Variants in CWF19L1 observed in about 807,000 individuals in gnomAD.
CWF19L1 encodes the protein CWF19 like cell cycle control factor 1, also known as CWF19-like protein 1.
Under a neutral mutation model 69.7 loss-of-function variants are expected in CWF19L1, and 60 were observed. The observed-to-expected ratio is 0.86, with a 90% CI of 0.70 to 1.07. CWF19L1 has a LOEUF of 1.07. Among genes scored for constraint, CWF19L1 ranks in the 50% least tolerant of loss-of-function variants. The pLI is 0.00. For synonymous variants in CWF19L1, 209 were observed against 222.2 expected (o/e 0.94, Z 0.53); for missense variants, 591 against 638.9 (o/e 0.92, Z 0.81).
At chr10:100,235,306 G>A (rs1229330054) in intron 13 of CWF19L1, among the ~76,000 whole-genome samples, 2 of 152,340 alleles carry the variant, frequency 1.3e-5, no homozygotes, top group Admixed American at 1.3e-4. Flanking sequence ...TCTTGGCACA[G>A]AGTATGTGCT....
chr10:100,266,346 T>C (rs1490418307), intron 1 of CWF19L1, among the ~76,000 whole-genome samples: 1 of 92,562 alleles, frequency 1.1e-5, no homozygotes, highest in African/African-American at 9.5e-5. Flanking sequence ...GCCCGGCTAA[T>C]TTTTTTTTTT....
chr10:100,255,370 C>T (rs939601602), intron 5 of CWF19L1, among the ~76,000 whole-genome samples: 3 of 151,504 alleles, frequency 2.0e-5, no homozygotes, highest in African/African-American at 7.3e-5. Context: ...TTAGGCTGGG[C>T]ACGGTGGCTC....
At chr10:100,258,572 T>C (rs1402169060) in intron 4 of CWF19L1, 1 of 152,158 alleles carries the variant, frequency 6.6e-6, no homozygotes, top group African/African-American at 2.4e-5. Flanking sequence ...AACTAAACAG[T>C]GCTCACTTCA....
At chr10:100,265,245 T>C (rs1026305694) in intron 1 of CWF19L1, among the ~76,000 whole-genome samples, 1 of 152,110 alleles carries the variant, frequency 6.6e-6, no homozygotes, top group Admixed American at 6.6e-5. Context: ...AGCTGTGTTA[T>C]AACAAGAGTC....
intron 10 of CWF19L1, among the ~76,000 whole-genome samples, chr10:100,239,389 C>T (rs1350977707): frequency 6.6e-6 from 1 of 152,158 alleles, no homozygotes; most frequent in African/African-American, 2.4e-5. Flanking sequence ...GACTGTAATC[C>T]CAGCACTTTG....
intron 12 of CWF19L1, among the ~76,000 whole-genome samples, chr10:100,236,225 G>C (rs865943440): frequency 1.3e-5 from 2 of 151,028 alleles, no homozygotes; most frequent in Non-Finnish European, 2.9e-5. Flanking sequence ...CTGACTCTCA[G>C]CCTCCTGAGT....
chr10:100,254,984 G>A (rs1180732252), intron 5 of CWF19L1, among the ~76,000 whole-genome samples: 2 of 152,176 alleles, frequency 1.3e-5, no homozygotes, highest in African/African-American at 4.8e-5. Flanking sequence ...GCTGAAACTG[G>A]CAAGGGGTGG....
intron 7 of CWF19L1, chr10:100,248,464 AC>A: frequency 2.9e-6 from 2 of 680,440 alleles, no homozygotes; most frequent in East Asian, 5.2e-5. Context: ...ATTATCTTTG[AC>A]TGCTGTTCTT....
chr10:100,258,075 T>C (rs1847272062), intron 4 of CWF19L1, among the ~76,000 whole-genome samples: 1 of 151,916 alleles, frequency 6.6e-6, no homozygotes, highest in Non-Finnish European at 1.5e-5. Flanking sequence ...CTGTCTCTAC[T>C]AAAAAATACA....
At chr10:100,235,817 A>T (rs1370399868) in intron 12 of CWF19L1, 53 bp from the exon 13 acceptor site, 1 of 1,266,926 alleles carries the variant, frequency 7.9e-7, no homozygotes, top group Non-Finnish European at 1.1e-6. Flanking sequence ...AAAAATCTAT[A>T]ATCTGAGTTC....
chr10:100,243,497 G>T lies in CWF19L1; in HGVS notation c.1044+201C>A, dbSNP rs534700659. ...TTGGGAACAGGGATTAACTGTAAAT[G>T]GGCATAAGAGATCTTACTGCAATGA... On this transcript the variant is annotated intron_variant, in intron 10 of 13. Coordinates refer to ENST00000354105, the MANE Select transcript of CWF19L1 (RefSeq NM_018294.6). Among the ~76,000 whole-genome samples the T allele has an allele frequency of 5.3e-5, 8 of 152,242 alleles. No homozygotes were observed. In the East Asian group the frequency reaches 1.5e-3, roughly 29 times the overall value.
intron 5 of CWF19L1, among the ~76,000 whole-genome samples, chr10:100,255,360 T>G (rs1847174589): frequency 6.7e-6 from 1 of 149,714 alleles, no homozygotes; most frequent in Admixed American, 6.7e-5. Flanking sequence ...AATACAAAAA[T>G]TAGGCTGGGC....
At chr10:100,241,000 CT>C (rs56262807) in intron 10 of CWF19L1, among the ~76,000 whole-genome samples, 712 of 70,512 alleles carry the variant, frequency 0.01, 1 homozygote, top group African/African-American at 0.041. Flanking sequence ...CTAATTAAGC[CT>C]TTTTTTTTTT....
intron 12 of CWF19L1, among the ~76,000 whole-genome samples, chr10:100,236,025 A>G (rs563512524): frequency 1.3e-5 from 2 of 152,012 alleles, no homozygotes; most frequent in African/African-American, 2.4e-5. Flanking sequence ...GGAAAGCACT[A>G]AACTTTGGAG....
intron 6 of CWF19L1, among the ~76,000 whole-genome samples, chr10:100,252,876 C>T (rs894087697): frequency 1.3e-5 from 2 of 150,454 alleles, no homozygotes; most frequent in Non-Finnish European, 3.0e-5. Context: ...TAAATTTTCC[C>T]TCTCATTTAT....
At chr10:100,246,732 T>A in intron 8 of CWF19L1, 63 bp downstream of exon 8, 1 of 1,446,920 alleles carries the variant, frequency 6.9e-7, no homozygotes, top group Non-Finnish European at 9.4e-7. Flanking sequence ...ACTTGTCTTA[T>A]GTACTAAACT....
intron 6 of CWF19L1, among the ~76,000 whole-genome samples, chr10:100,252,676 T>C (rs1202884533): frequency 6.6e-6 from 1 of 151,126 alleles, no homozygotes; most frequent in Non-Finnish European, 1.5e-5. Flanking sequence ...CTATTAAAAA[T>C]ACAAAAAAAC....
chr10:100,238,454 G>A (rs1397337473), intron 10 of CWF19L1, among the ~76,000 whole-genome samples: 1 of 152,210 alleles, frequency 6.6e-6, no homozygotes, highest in Non-Finnish European at 1.5e-5. Context: ...TATGCAAGTA[G>A]CAAATGAACT....
At chr10:100,260,879 C>A in intron 3 of CWF19L1, 87 bp downstream of exon 3, 1 of 839,764 alleles carries the variant, frequency 1.2e-6, no homozygotes, top group Non-Finnish European at 1.9e-6. Flanking sequence ...CTCTTAAATT[C>A]TTAAATAATG....
Sources: gnomAD v4.1 joint callset for allele counts (sites outside exome capture counted in the v4.1 genomes callset) on GRCh38, gnomAD v4.1.1 for gene constraint, MANE v1.5 for transcripts, NCBI Gene and HGNC (gene_info 2026-07-23, HGNC 2026-07-21) for gene names.